Variants in PBK observed in about 807,000 individuals in gnomAD.
PBK encodes lymphokine-activated killer T-cell-originated protein kinase.
A neutral mutation model predicts 33.5 loss-of-function variants in PBK; 22 were observed. That is an observed-to-expected ratio of 0.66 (90% CI 0.47 to 0.94). The LOEUF is 0.94. Among genes scored for constraint, PBK ranks in the 40% least tolerant of loss-of-function variants. The probability of loss-of-function intolerance (pLI) is 0.00; values close to 1 mark genes in which losing one functional copy is unlikely to be tolerated. For synonymous variants in PBK, 129 were observed against 123.8 expected (o/e 1.04, Z -0.28); for missense variants, 376 against 383.4 (o/e 0.98, Z 0.16).
chr8:27,826,612 C>T (rs1787787003), intron 3 of PBK, among the ~76,000 whole-genome samples: 1 of 109,414 alleles, frequency 9.1e-6, no homozygotes, highest in African/African-American at 4.3e-5. Flanking sequence ...CTGGCTAACA[C>T]GGTGAAACCC....
intron 5 of PBK, 55 bp from the exon 6 acceptor site, chr8:27,820,749 AT>A (rs1190489739): frequency 4.1e-6 from 4 of 971,640 alleles, no homozygotes; most frequent in Non-Finnish European, 6.1e-6. Context: ...TAATAAAAAA[AT>A]GTGATAACCT....
At chr8:27,827,351 A>G (rs1806045220) in intron 3 of PBK, among the ~76,000 whole-genome samples, 1 of 152,216 alleles carries the variant, frequency 6.6e-6, no homozygotes, top group African/African-American at 2.4e-5. Flanking sequence ...GTTCGAGACC[A>G]GCCTGGCCAA....
rs762797071 is a variant in PBK at position 27,810,228 on chromosome 8, A to T, written c.*77T>A. On this transcript the variant is annotated 3_prime_UTR_variant, in exon 8 of 8. Coordinates refer to ENST00000301905, the MANE Select transcript of PBK (RefSeq NM_018492.4). ...AAATATGCCAATTTTAGAGTCTAAT[A>T]ACTACTGATAGTAACTATGTAAATA... 1.0e-6 allele frequency: 1 copy of T among 974,170 alleles called. No individual in the cohort carries two copies. The highest frequency in any genetic ancestry group is 1.6e-6 in the Non-Finnish European group (1 of 620,828). The allele number at this position is 974,170 out of a possible 1,614,324, so 60.3% of individuals were successfully genotyped here. A position where few individuals can be genotyped will look rare whatever the true frequency, so the allele number is the denominator to read the frequency against.
chr8:27,834,662 G>C (rs1316420528), intron 1 of PBK, among the ~76,000 whole-genome samples: 1 of 152,192 alleles, frequency 6.6e-6, no homozygotes, highest in Non-Finnish European at 1.5e-5. Flanking sequence ...GGGAGGCCAA[G>C]GCAGGCGGAT....
chr8:27,822,195 C>G (rs1001913357), intron 5 of PBK, 124 bp downstream of exon 5: 2 of 697,654 alleles, frequency 2.9e-6, no homozygotes, highest in Non-Finnish European at 4.8e-6. Flanking sequence ...TTCCGCTAAC[C>G]CCTTTTTGGA....
intron 2 of PBK, among the ~76,000 whole-genome samples, chr8:27,831,436 A>G (rs1366929727): frequency 6.6e-6 from 1 of 152,038 alleles, no homozygotes; most frequent in Non-Finnish European, 1.5e-5. Flanking sequence ...AACAACTGAT[A>G]GAAATTGGGG....
chr8:27,820,433 GA>G (rs1279775741), intron 6 of PBK, 131 bp downstream of exon 6: 3 of 595,796 alleles, frequency 5.0e-6, no homozygotes, highest in Non-Finnish European at 8.7e-6. Context: ...GGGAGAGAGA[GA>G]AAAAAAGGGG....
intron 1 of PBK, among the ~76,000 whole-genome samples, chr8:27,834,522 T>C (rs903684880): frequency 1.2e-4 from 18 of 152,234 alleles, no homozygotes; most frequent in Non-Finnish European, 1.6e-4. Flanking sequence ...CTAGAAACTA[T>C]TGAATTTTAC....
rs561028618 is a variant in PBK at position 27,834,765 on chromosome 8, G to A, written c.-20-1632C>T. On this transcript the variant is annotated intron_variant, in intron 1 of 7. Transcript: ENST00000301905. Reference sequence around the variant, plus strand: ...AAAAAAATTAGCCAGGTGTGGTGGCGTGTACCTGTCATTCCAGCTACTCAG... The same window carrying A: ...AAAAAAATTAGCCAGGTGTGGTGGCATGTACCTGTCATTCCAGCTACTCAG... Among the ~76,000 whole-genome samples the A allele has an allele frequency of 1.1e-4, 17 of 152,116 alleles. No homozygotes were observed. The East Asian group carries it at 2.7e-3, about 24-fold the overall frequency.
intron 3 of PBK, among the ~76,000 whole-genome samples, chr8:27,823,608 GA>G (rs1310869291): frequency 1.3e-5 from 2 of 151,938 alleles, no homozygotes; most frequent in Non-Finnish European, 2.9e-5. Flanking sequence ...TTAAAGAAGA[GA>G]TAATCAAGAA....
chr8:27,813,297 A>G (rs1226537940), intron 6 of PBK, among the ~76,000 whole-genome samples: 6 of 152,120 alleles, frequency 3.9e-5, no homozygotes, highest in Non-Finnish European at 7.4e-5. Flanking sequence ...GGTGGGGAAC[A>G]TCACACCCTG....
At chr8:27,820,432 A>AG (rs1200299163) in intron 6 of PBK, 133 bp downstream of exon 6, 2 of 597,956 alleles carry the variant, frequency 3.3e-6, no homozygotes, top group African/African-American at 3.8e-5. Context: ...TGGGAGAGAG[A>AG]GAAAAAAAGG....
chr8:27,825,464 G>T (rs946450160), intron 3 of PBK, among the ~76,000 whole-genome samples: 1 of 151,996 alleles, frequency 6.6e-6, no homozygotes, highest in African/African-American at 2.4e-5. Flanking sequence ...AAAACAGGTG[G>T]ACTCGTAGAT....
rs1329499515 is a variant in PBK at position 27,828,115 on chromosome 8, G to C, written c.142C>G (p.Leu48Val). The change falls in exon 3 of 8, where the codon CTA (leucine) becomes GTA (valine). Residue 48 changes from leucine to valine, a missense_variant. Coordinates refer to ENST00000301905, the MANE Select transcript of PBK (RefSeq NM_018492.4). The part of the protein sequence containing the change: ...LGFGTGVNVY[L>V]MKRSPRGLSH... ...AAATCTTATACTTACCTTTTCATTAGGTACACATTTACCCCAGTACCAAAG... is the reference window on the plus strand; with the variant it reads ...AAATCTTATACTTACCTTTTCATTACGTACACATTTACCCCAGTACCAAAG... The C allele has an allele frequency of 6.8e-7, 1 of 1,478,976 alleles. No individual in the cohort carries two copies. Among genetic ancestry groups the C allele is most frequent in the Non-Finnish European group, 9.4e-7 (1 of 1,060,232 alleles). The allele number at this position is 1,478,976 out of a possible 1,614,324, so 91.6% of individuals were successfully genotyped here.
rs1805652655 is a variant in PBK, at chr8:27,810,428, A to G, written c.846T>C (p.Asn282=). The change falls in exon 8 of 8, where the codon AAT becomes AAC. Residue 282 remains asparagine (N), a synonymous_variant. Coordinates refer to ENST00000301905, the MANE Select transcript of PBK (RefSeq NM_018492.4). ...GGTATGATTCATCCAGTTCTTCCAT[A>G]TTAATAGGTGGCCTAGTTCCCAACG... The part of the protein sequence containing the change: ...YAALGTRPPI[N]MEELDESYQK... The G allele has an allele frequency of 6.2e-7, 1 of 1,608,104 alleles. No individual in the cohort carries two copies. Among genetic ancestry groups the G allele is most frequent in the Non-Finnish European group, 8.5e-7 (1 of 1,174,562 alleles).
intron 1 of PBK, among the ~76,000 whole-genome samples, chr8:27,837,091 T>C (rs1806240986): frequency 6.6e-6 from 1 of 152,136 alleles, no homozygotes; most frequent in South Asian, 2.1e-4. Context: ...AATATTTAGA[T>C]GAAGATAAAT....
rs374163971 is a variant in PBK, at chr8:27,829,822, GC to G, written c.59-1625del. On this transcript the variant is annotated intron_variant, in intron 2 of 7. Transcript: ENST00000301905. ...GCGGAGGTTACAGTGAGCTGAGATA[GC>G]GCCATTGCACTCCAGCCTGGGCGAC... 7.3e-3 allele frequency among the ~76,000 whole-genome samples: 1,113 copies of G among 151,814 alleles called. 12 individuals carry two copies. Among genetic ancestry groups the G allele is most frequent in the African/African-American group, 0.025 (1,054 of 41,388 alleles).
At chr8:27,816,378 TTTTAATTTA>T (rs1463696739) in intron 6 of PBK, among the ~76,000 whole-genome samples, 99 of 145,028 alleles carry the variant, frequency 6.8e-4, no homozygotes, top group African/African-American at 2.5e-3. Context: ...TATTTATTTA[TTTTAATTTA>T]TTTTTTTTTG....
At chr8:27,830,095 C>T (rs1242704427) in intron 2 of PBK, among the ~76,000 whole-genome samples, 1 of 150,058 alleles carries the variant, frequency 6.7e-6, no homozygotes, top group Non-Finnish European at 1.5e-5. Flanking sequence ...CCCGACTACT[C>T]GGGAGGCTGA....
Sources: gnomAD v4.1 joint callset for allele counts (sites outside exome capture counted in the v4.1 genomes callset) on GRCh38, gnomAD v4.1.1 for gene constraint, MANE v1.5 for transcripts, NCBI Gene and HGNC (gene_info 2026-07-23, HGNC 2026-07-21) for gene names.